FRYL: variants seen among roughly 807,000 people sequenced by gnomAD.
FRYL encodes the protein FRY like transcription coactivator, also known as protein furry homolog-like.
In FRYL, 150 loss-of-function variants were observed where a neutral mutation model predicts 351.2. The observed-to-expected ratio is 0.43, with a 90% CI of 0.37 to 0.49. The LOEUF (loss-of-function observed/expected upper bound fraction) is 0.49, where lower values mean the gene tolerates loss of function less well. Among genes scored for constraint, FRYL ranks in the 20% least tolerant of loss-of-function variants. The pLI is 0.00. For missense variants in FRYL, 3,036 were observed against 3,619.3 expected (o/e 0.84, Z 4.13); for synonymous variants, 1,153 against 1,257.1 (o/e 0.92, Z 1.75).
intron 1 of FRYL, among the ~76,000 whole-genome samples, chr4:48,761,003 CTGTCTG>C (rs1236432777): frequency 1.6e-3 from 197 of 121,682 alleles, no homozygotes; most frequent in African/African-American, 4.8e-3. Flanking sequence ...TATTATTACT[CTGTCTG>C]TGTGTGTGTG....
At position 48,510,817 on chromosome 4, in the gene FRYL, C is replaced by G. The variant is rs776678061; in HGVS notation, c.8295+18G>C. ...TTCCAATGTAGTCTTTATAATAAAC[C>G]TGCATGTAAAAACTTACTGTTTCAG... On this transcript the variant is annotated intron_variant, in intron 58 of 63. Coordinates refer to ENST00000358350, the MANE Select transcript of FRYL (RefSeq NM_015030.2). 3.8e-6 allele frequency: 6 copies of G among 1,592,712 alleles called. No individual in the cohort carries two copies. The South Asian group carries it at 6.8e-5, about 18-fold the overall frequency.
chr4:48,578,083 G>T (rs1740029781), intron 23 of FRYL, among the ~76,000 whole-genome samples: 2 of 151,468 alleles, frequency 1.3e-5, no homozygotes, highest in East Asian at 3.9e-4. Context: ...ATTAGATACG[G>T]ATATGCAAAA....
At chr4:48,744,283 G>A (rs960568388) in intron 1 of FRYL, among the ~76,000 whole-genome samples, 2 of 152,094 alleles carry the variant, frequency 1.3e-5, no homozygotes, top group African/African-American at 4.8e-5. Context: ...CTTTGCAAAG[G>A]TGAATTTTAT....
intron 50 of FRYL, among the ~76,000 whole-genome samples, chr4:48,529,480 C>T (rs1727048385): frequency 6.6e-6 from 1 of 152,088 alleles, no homozygotes; most frequent in Admixed American, 6.6e-5. Flanking sequence ...AAAAGGAAAG[C>T]CAAGCTTCTC....
chr4:48,666,510 T>C (rs968110353), intron 3 of FRYL, among the ~76,000 whole-genome samples: 2 of 152,178 alleles, frequency 1.3e-5, no homozygotes, highest in Non-Finnish European at 2.9e-5. Flanking sequence ...TGTTTATGCA[T>C]GGTTAACCTT....
intron 3 of FRYL, among the ~76,000 whole-genome samples, chr4:48,645,479 A>G (rs1405249499): frequency 1.3e-5 from 2 of 152,164 alleles, no homozygotes; most frequent in African/African-American, 2.4e-5. Flanking sequence ...TAAATTGGCA[A>G]ACATATAAGA....
At chr4:48,571,473 C>A (rs921612095) in intron 26 of FRYL, among the ~76,000 whole-genome samples, 15 of 152,156 alleles carry the variant, frequency 9.9e-5, no homozygotes, top group African/African-American at 3.6e-4. Flanking sequence ...AACATTTCAA[C>A]GTGATTCTGC....
chr4:48,508,197 T>C (rs1399731879), intron 59 of FRYL, among the ~76,000 whole-genome samples: 1 of 152,250 alleles, frequency 6.6e-6, no homozygotes, highest in Non-Finnish European at 1.5e-5. Context: ...TTGACAGCTG[T>C]AGTTTGCTAA....
At chr4:48,658,306 C>T (rs1759677336) in intron 3 of FRYL, among the ~76,000 whole-genome samples, 1 of 151,804 alleles carries the variant, frequency 6.6e-6, no homozygotes, top group South Asian at 2.1e-4. Context: ...CCAGAATTAC[C>T]ATAAGGAAAA....
Position 48,702,875 on chromosome 4 carries a change from C to A in FRYL, c.-204+7644G>T, listed in dbSNP as rs58763365. 3.2e-3 allele frequency among the ~76,000 whole-genome samples: 485 copies of A among 149,746 alleles called. 1 individual carries two copies. The highest frequency in any genetic ancestry group is 0.011 in the African/African-American group (464 of 40,692). Reference sequence around the variant, plus strand: ...ACTATGATAAATCTTAGAATTGACACAGCAAAAGAAAACTGAGTATATGTT... The same window carrying A: ...ACTATGATAAATCTTAGAATTGACAAAGCAAAAGAAAACTGAGTATATGTT... On this transcript the variant is annotated intron_variant, in intron 2 of 63. Transcript: ENST00000358350.
chr4:48,592,369 G>A (rs1743593706), intron 16 of FRYL, among the ~76,000 whole-genome samples: 6 of 151,768 alleles, frequency 4.0e-5, no homozygotes, highest in Admixed American at 3.9e-4. Context: ...TCTTACAAAA[G>A]TCCTTGAAAA....
intron 6 of FRYL, 32 bp downstream of exon 6, chr4:48,620,607 C>A: frequency 6.4e-7 from 1 of 1,571,280 alleles, no homozygotes; most frequent in Admixed American, 1.8e-5. Flanking sequence ...TGTGTTAATT[C>A]CAGGTGAAAC....
intron 2 of FRYL, among the ~76,000 whole-genome samples, chr4:48,696,218 A>T (rs1215805066): frequency 6.6e-6 from 1 of 152,194 alleles, no homozygotes. Flanking sequence ...CCATAAAGAC[A>T]CATGCACACA....
intron 1 of FRYL, among the ~76,000 whole-genome samples, chr4:48,759,913 A>C (rs1774226495): frequency 6.6e-6 from 1 of 152,174 alleles, no homozygotes; most frequent in South Asian, 2.1e-4. Flanking sequence ...TAACATGCAC[A>C]GGTTCTAGGG....
At chr4:48,555,014 A>G (rs1258182760) in intron 35 of FRYL, among the ~76,000 whole-genome samples, 1 of 152,242 alleles carries the variant, frequency 6.6e-6, no homozygotes, top group African/African-American at 2.4e-5. Context: ...TGATCTCACC[A>G]AACTCATAGA....
At chr4:48,500,415 A>G (rs1277754548) in intron 62 of FRYL, among the ~76,000 whole-genome samples, 195 bp from the exon 63 acceptor site, 2 of 152,228 alleles carry the variant, frequency 1.3e-5, no homozygotes, top group Non-Finnish European at 2.9e-5. Flanking sequence ...ACCAAATAGT[A>G]GTCTTGAAAT....
chr4:48,654,466 A>G (rs1037930469), intron 3 of FRYL, among the ~76,000 whole-genome samples: 2 of 152,104 alleles, frequency 1.3e-5, no homozygotes, highest in Admixed American at 6.6e-5. Context: ...TGCAGAGTCC[A>G]CTGTCTCACT....
At chr4:48,712,253 G>C (rs1768152653) in intron 1 of FRYL, among the ~76,000 whole-genome samples, 1 of 152,142 alleles carries the variant, frequency 6.6e-6, no homozygotes, top group Admixed American at 6.5e-5. Context: ...GAAGGCTTCA[G>C]ACGATCAAAC....
chr4:48,690,272 A>G (rs1765566612), intron 2 of FRYL, among the ~76,000 whole-genome samples: 1 of 151,984 alleles, frequency 6.6e-6, no homozygotes, highest in African/African-American at 2.4e-5. Flanking sequence ...CATTAAACCA[A>G]TTACAGCCTT....
Sources: allele counts gnomAD v4.1 joint callset (sites outside exome capture counted in the v4.1 genomes callset), GRCh38; gene constraint gnomAD v4.1.1; transcripts MANE v1.5; gene names NCBI Gene and HGNC (gene_info 2026-07-23, HGNC 2026-07-21).